TPP2: variants seen among roughly 807,000 people sequenced by gnomAD.
The protein encoded by TPP2 is tripeptidyl peptidase 2, also known as tripeptidyl-peptidase 2.
A neutral mutation model predicts 155.9 loss-of-function variants in TPP2; 34 were observed. That is an observed-to-expected ratio of 0.22 (90% confidence interval 0.17 to 0.29). The LOEUF is 0.29. TPP2 is among the 10% of genes least tolerant of loss of function. The probability of loss-of-function intolerance (pLI) is 1.00; values close to 1 mark genes in which losing one functional copy is unlikely to be tolerated. For missense variants in TPP2, 1,028 were observed against 1,522.3 expected (o/e 0.68, Z 5.40); for synonymous variants, 510 against 529.4 (o/e 0.96, Z 0.50).
At chr13:102,637,052 A>G in intron 13 of TPP2, 30 bp from the exon 14 acceptor site, 2 of 1,558,574 alleles carry the variant, frequency 1.3e-6, no homozygotes, top group Non-Finnish European at 1.7e-6. Context: ...AAAAATACTC[A>G]TCTTTAATTT....
At chr13:102,627,773 T>C in intron 7 of TPP2, 75 bp from the exon 8 acceptor site, 1 of 1,027,842 alleles carries the variant, frequency 9.7e-7, no homozygotes, top group Admixed American at 2.1e-5. Flanking sequence ...TAGGATTATA[T>C]ATATGCCCTT....
intron 1 of TPP2, among the ~76,000 whole-genome samples, chr13:102,604,341 C>T (rs556037300): frequency 2.0e-4 from 31 of 152,318 alleles, no homozygotes; most frequent in Admixed American, 5.9e-4. Flanking sequence ...CTGACCATCT[C>T]CCTTCCCTGC....
At chr13:102,638,414 G>T in intron 15 of TPP2, 99 bp downstream of exon 15, 1 of 1,276,664 alleles carries the variant, frequency 7.8e-7, no homozygotes, top group East Asian at 2.3e-5. Flanking sequence ...TACAGAACCA[G>T]GTAATGGGGA....
chr13:102,673,682 TC>T (rs1466815678), intron 27 of TPP2, among the ~76,000 whole-genome samples: 2 of 152,204 alleles, frequency 1.3e-5, no homozygotes, highest in African/African-American at 4.8e-5. Flanking sequence ...ATCTGCCACT[TC>T]CTAACTGGAG....
chr13:102,622,831 G>A (rs1432858190), intron 5 of TPP2, 46 bp from the exon 6 acceptor site: 2 of 1,563,846 alleles, frequency 1.3e-6, no homozygotes, highest in Admixed American at 2.0e-5. Context: ...TTTTTAGAAA[G>A]GTAAGAAAAT....
chr13:102,651,234 A>G (rs1883467698), intron 23 of TPP2, 125 bp from the exon 24 acceptor site: 3 of 985,682 alleles, frequency 3.0e-6, no homozygotes, highest in African/African-American at 1.7e-5. Flanking sequence ...TTAATCACAG[A>G]CCTGAGCCTT....
At chr13:102,654,777 AT>A (rs1467490537) in intron 24 of TPP2, among the ~76,000 whole-genome samples, 3 of 152,172 alleles carry the variant, frequency 2.0e-5, no homozygotes, top group Non-Finnish European at 4.4e-5. Flanking sequence ...AGCCCCTTTA[AT>A]TCCTAGATGT....
Position 102,634,061 on chromosome 13 carries a change from C to A in TPP2, c.1356C>A (p.Ser452=). Residue 452 remains serine (S), a synonymous_variant, in exon 11 of 30, where the codon TCC becomes TCA. Coordinates refer to ENST00000376052, the MANE Select transcript of TPP2 (RefSeq NM_001330588.2). ...TQLMNGTSMS[S]PNACGGIALI... Reference sequence around the variant, plus strand: ...TGATGAATGGAACATCTATGTCTTCCCCCAATGCATGTGGAGGCATTGCCC... The same window carrying A: ...TGATGAATGGAACATCTATGTCTTCACCCAATGCATGTGGAGGCATTGCCC... The A allele has an allele frequency of 6.2e-7, 1 of 1,614,026 alleles. No homozygotes were observed. Among genetic ancestry groups the A allele is most frequent in the Non-Finnish European group, 8.5e-7 (1 of 1,179,932 alleles).
In TPP2 at chr13:102,616,509, T is replaced by C; in HGVS notation, c.495+9T>C. On this transcript the variant is annotated intron_variant, in intron 4 of 29. Coordinates refer to ENST00000376052, the MANE Select transcript of TPP2 (RefSeq NM_001330588.2). ...ACAACGGCTCTTCTCAAGTTGGTGCTAGTCGATTTCATTTAAACATTACCC... is the reference window on the plus strand; with the variant it reads ...ACAACGGCTCTTCTCAAGTTGGTGCCAGTCGATTTCATTTAAACATTACCC... The C allele has an allele frequency of 6.2e-7, 1 of 1,603,112 alleles. No homozygotes were observed.
chr13:102,640,641 A>AT (rs5806315), intron 16 of TPP2, among the ~76,000 whole-genome samples: 5,217 of 84,198 alleles, frequency 0.062, 890 homozygotes, highest in African/African-American at 0.15. Flanking sequence ...CCTGGTAATA[A>AT]TTTTTTTTTT....
At chr13:102,609,902 G>A (rs1027711631) in intron 2 of TPP2, among the ~76,000 whole-genome samples, 1 of 152,126 alleles carries the variant, frequency 6.6e-6, no homozygotes, top group Non-Finnish European at 1.5e-5. Context: ...GCTTTTCTCT[G>A]GTTCAGCTTG....
intron 22 of TPP2, 76 bp from the exon 23 acceptor site, chr13:102,649,332 C>T (rs1883345825): frequency 6.6e-7 from 1 of 1,504,816 alleles, no homozygotes; most frequent in Admixed American, 2.0e-5. Flanking sequence ...GAATTGTTTT[C>T]ATGTTTTTCC....
At position 102,636,358 on chromosome 13, in the gene TPP2, C is replaced by A; in HGVS notation, c.1644C>A (p.Gly548=). The change falls in exon 13 of 30, where the codon GGC becomes GGA. Residue 548 remains glycine (G), a synonymous_variant. Coordinates refer to ENST00000376052, the MANE Select transcript of TPP2 (RefSeq NM_001330588.2). ...AGGTGGCTGCACCTTCAGATCATGGCGTTGGCATTGAACCTGTATTTCCGG... is the reference window on the plus strand; with the variant it reads ...AGGTGGCTGCACCTTCAGATCATGGAGTTGGCATTGAACCTGTATTTCCGG... ...PVQVAAPSDH[G]VGIEPVFPEN... is the part of the protein sequence containing the mutation. 6.2e-7 allele frequency: 1 copy of A among 1,613,302 alleles called. No individual in the cohort carries two copies. Among genetic ancestry groups the A allele is most frequent in the Admixed American group, 1.7e-5 (1 of 59,888 alleles).
chr13:102,603,225 C>T (rs1167734286), intron 1 of TPP2, among the ~76,000 whole-genome samples: 1 of 152,198 alleles, frequency 6.6e-6, no homozygotes, highest in African/African-American at 2.4e-5. Flanking sequence ...CTGACAGGCA[C>T]TGCTAGGTAG....
At chr13:102,601,691 G>A (rs116334682) in intron 1 of TPP2, among the ~76,000 whole-genome samples, 34 of 152,248 alleles carry the variant, frequency 2.2e-4, no homozygotes, top group African/African-American at 7.5e-4. Context: ...TAGTTCCATT[G>A]TTAGCAGTTC....
At chr13:102,631,888 C>CT (rs1255818422) in intron 10 of TPP2, among the ~76,000 whole-genome samples, 4 of 152,232 alleles carry the variant, frequency 2.6e-5, no homozygotes, top group Non-Finnish European at 4.4e-5. Flanking sequence ...TCAGCATTGA[C>CT]TGAGACACAC....
chr13:102,598,813 A>T (rs556248603), intron 1 of TPP2, among the ~76,000 whole-genome samples: 1 of 152,368 alleles, frequency 6.6e-6, no homozygotes, highest in South Asian at 2.1e-4. Flanking sequence ...TCTCTAAAGT[A>T]ACAATAATTT....
chr13:102,667,518 A>G (rs760513937), intron 27 of TPP2, among the ~76,000 whole-genome samples: 2 of 152,220 alleles, frequency 1.3e-5, no homozygotes, highest in Non-Finnish European at 2.9e-5. Context: ...TTTTAAATAA[A>G]TATTTCAAAT....
intron 15 of TPP2, 93 bp from the exon 16 acceptor site, chr13:102,640,177 A>G (rs1027068458): frequency 4.1e-5 from 39 of 959,656 alleles, no homozygotes; most frequent in East Asian, 2.9e-4. Context: ...TTTATTTCCA[A>G]TGAATTGTTA....
Sources: allele counts gnomAD v4.1 joint callset (sites outside exome capture counted in the v4.1 genomes callset), GRCh38; gene constraint gnomAD v4.1.1; transcripts MANE v1.5; gene names NCBI Gene and HGNC (gene_info 2026-07-23, HGNC 2026-07-21).